Variants in RCAN2 observed in about 807,000 individuals in gnomAD.
RCAN2 encodes regulator of calcineurin 2.
RCAN2 carries 9 observed loss-of-function variants against 23.6 expected under a neutral mutation model. The ratio of observed to expected loss-of-function variants is 0.38; its 90% CI spans 0.23 to 0.67. The LOEUF (loss-of-function observed/expected upper bound fraction) is 0.67, where lower values mean the gene tolerates loss of function less well. Among genes scored for constraint, RCAN2 ranks in the 30% least tolerant of loss-of-function variants. The probability of loss-of-function intolerance (pLI) is 0.51; values close to 1 mark genes in which losing one functional copy is unlikely to be tolerated. For synonymous variants in RCAN2, 109 were observed against 115.7 expected (o/e 0.94, Z 0.37); for missense variants, 273 against 302.3 (o/e 0.90, Z 0.72).
At chr6:46,485,574 C>T (rs947148992) in intron 1 of RCAN2, among the ~76,000 whole-genome samples, 4 of 152,144 alleles carry the variant, frequency 2.6e-5, no homozygotes, top group Non-Finnish European at 4.4e-5. Context: ...GCTGAGTGGA[C>T]ATGCCTCAGC....
Position 46,424,698 on chromosome 6 carries a change from A to T in RCAN2, c.225+32054T>A, listed in dbSNP as rs79386738. ...TGTGTGAGTCCTTAGGCTGCCCCTG[A>T]CAGACTGTGTGACCTGGGACAAGTT... On this transcript the variant is annotated intron_variant, in intron 2 of 4. Coordinates refer to ENST00000371374, the MANE Select transcript of RCAN2 (RefSeq NM_001251974.2). Among the ~76,000 whole-genome samples, 78 of 152,212 alleles carry T rather than the reference A, an allele frequency of 5.1e-4. 1 individual carries two copies. In the East Asian group the frequency reaches 0.014, roughly 27 times the overall value.
chr6:46,314,897 C>CA (rs1419176074), intron 2 of RCAN2, among the ~76,000 whole-genome samples: 4 of 152,204 alleles, frequency 2.6e-5, no homozygotes, highest in South Asian at 2.1e-4. Flanking sequence ...CCTGTCGCTA[C>CA]AAAAAATACA....
At chr6:46,354,180 T>A (rs556231567) in intron 2 of RCAN2, among the ~76,000 whole-genome samples, 8 of 151,610 alleles carry the variant, frequency 5.3e-5, no homozygotes, top group Middle Eastern at 3.4e-3. Context: ...TGCACACATG[T>A]ACATGTGTAT....
intron 2 of RCAN2, among the ~76,000 whole-genome samples, chr6:46,284,911 G>A (rs1387001383): frequency 1.3e-5 from 2 of 152,160 alleles, no homozygotes; most frequent in African/African-American, 2.4e-5. Context: ...TGAGACATCC[G>A]TTCTCCATAA....
chr6:46,317,769 C>G (rs2150360377), intron 2 of RCAN2, among the ~76,000 whole-genome samples: 1 of 152,244 alleles, frequency 6.6e-6, no homozygotes, highest in Non-Finnish European at 1.5e-5. Flanking sequence ...CCGGCCTATA[C>G]CCCAATAATT....
At chr6:46,428,350 T>G (rs1476251121) in intron 2 of RCAN2, among the ~76,000 whole-genome samples, 2 of 152,262 alleles carry the variant, frequency 1.3e-5, no homozygotes, top group African/African-American at 4.8e-5. Context: ...CCTTGTAGTA[T>G]TTATTCCCAC....
At chr6:46,418,695 G>GTGTATATATATATA (rs1299386089) in intron 2 of RCAN2, among the ~76,000 whole-genome samples, 1 of 121,306 alleles carries the variant, frequency 8.2e-6, no homozygotes, top group Non-Finnish European at 1.7e-5. Context: ...ATGTGTGTGT[G>GTGTATATATATATA]TATATATATA....
chr6:46,472,462 T>C (rs1274994287), intron 1 of RCAN2, among the ~76,000 whole-genome samples: 1 of 152,182 alleles, frequency 6.6e-6, no homozygotes, highest in African/African-American at 2.4e-5. Flanking sequence ...CTGTGTTAGT[T>C]TAATCTCTGT....
chr6:46,302,302 T>C (rs1478442222), intron 2 of RCAN2, among the ~76,000 whole-genome samples: 2 of 152,080 alleles, frequency 1.3e-5, no homozygotes, highest in African/African-American at 4.8e-5. Context: ...GAGTTCTGTT[T>C]TGGCCATGTT....
intron 2 of RCAN2, among the ~76,000 whole-genome samples, chr6:46,256,149 C>A (rs549256203): frequency 6.6e-6 from 1 of 152,032 alleles, no homozygotes; most frequent in Non-Finnish European, 1.5e-5. Flanking sequence ...GCAGGAGGAT[C>A]GCCTGGGGTC....
chr6:46,234,522 C>T (rs1483813152), intron 4 of RCAN2, among the ~76,000 whole-genome samples: 1 of 152,154 alleles, frequency 6.6e-6, no homozygotes, highest in African/African-American at 2.4e-5. Flanking sequence ...GCAGTGAGAA[C>T]AGACCAATGG....
intron 2 of RCAN2, among the ~76,000 whole-genome samples, chr6:46,285,216 C>T (rs979108960): frequency 6.6e-6 from 1 of 152,226 alleles, no homozygotes; most frequent in Admixed American, 6.5e-5. Context: ...ACCACCATTG[C>T]ACCATTAATG....
intron 2 of RCAN2, among the ~76,000 whole-genome samples, chr6:46,302,692 T>C (rs989154702): frequency 4.6e-5 from 7 of 152,066 alleles, no homozygotes; most frequent in African/African-American, 1.7e-4. Flanking sequence ...AACTGAAACT[T>C]GGGGCATTGA....
At chr6:46,398,848 A>T (rs1409703582) in intron 2 of RCAN2, among the ~76,000 whole-genome samples, 2 of 151,878 alleles carry the variant, frequency 1.3e-5, no homozygotes, top group Non-Finnish European at 2.9e-5. Context: ...TAATGGGTGC[A>T]TTATAGTGTT....
chr6:46,466,880 T>C (rs1055601352), intron 1 of RCAN2, among the ~76,000 whole-genome samples: 4 of 152,188 alleles, frequency 2.6e-5, no homozygotes, highest in Non-Finnish European at 4.4e-5. Context: ...AACTTATAAA[T>C]ATTAAATAGC....
chr6:46,272,026 A>T (rs75921656), intron 2 of RCAN2, among the ~76,000 whole-genome samples: 1 of 152,366 alleles, frequency 6.6e-6, no homozygotes, highest in East Asian at 1.9e-4. Flanking sequence ...ATCACAAAAC[A>T]ATAACAGATA....
chr6:46,452,263 C>CTA (rs1767902894), intron 2 of RCAN2, among the ~76,000 whole-genome samples: 1 of 152,168 alleles, frequency 6.6e-6, no homozygotes, highest in Admixed American at 6.5e-5. Flanking sequence ...TCTCTGCTCT[C>CTA]TAGTGTCCTC....
At chr6:46,444,282 G>A (rs1471289083) in intron 2 of RCAN2, among the ~76,000 whole-genome samples, 1 of 152,144 alleles carries the variant, frequency 6.6e-6, no homozygotes, top group Non-Finnish European at 1.5e-5. Context: ...CATTAGTGAG[G>A]AGCTAGAATG....
At chr6:46,347,613 G>A (rs1322989930) in intron 2 of RCAN2, among the ~76,000 whole-genome samples, 4 of 152,094 alleles carry the variant, frequency 2.6e-5, no homozygotes, top group African/African-American at 9.7e-5. Flanking sequence ...TCCTATCTTA[G>A]CTTTAATAAT....
Sources: gnomAD v4.1 joint callset for allele counts (sites outside exome capture counted in the v4.1 genomes callset) on GRCh38, gnomAD v4.1.1 for gene constraint, MANE v1.5 for transcripts, NCBI Gene and HGNC (gene_info 2026-07-23, HGNC 2026-07-21) for gene names.